Variants in BRAT1 observed in about 807,000 individuals in gnomAD.
BRAT1 encodes integrator complex assembly factor BRAT1.
BRAT1 carries 74 observed loss-of-function variants against 70.6 expected under a neutral mutation model. The ratio of observed to expected loss-of-function variants is 1.05; its 90% confidence interval spans 0.87 to 1.27. BRAT1 has a LOEUF of 1.27. BRAT1 is among the 50% of genes most tolerant of loss of function. The probability of loss-of-function intolerance (pLI) is 0.00; values close to 1 mark genes in which losing one functional copy is unlikely to be tolerated. For synonymous variants in BRAT1, 615 were observed against 517.1 expected (o/e 1.19, Z -2.57); for missense variants, 1,203 against 1,098.2 (o/e 1.10, Z -1.35).
chr7:2,538,944 T>C (rs895798760), intron 13 of BRAT1, 180 bp from the exon 14 acceptor site: 1 of 1,451,022 alleles, frequency 6.9e-7, no homozygotes, highest in Non-Finnish European at 9.0e-7. Context: ...AGTTTACCCA[T>C]CTGTCAAATG....
chr7:2,555,028 G>C (rs1229561747), intron 1 of BRAT1, among the ~76,000 whole-genome samples: 1 of 151,272 alleles, frequency 6.6e-6, no homozygotes, highest in Non-Finnish European at 1.5e-5. Flanking sequence ...AGGGTGAGGA[G>C]GGGAAGGGGC....
At chr7:2,552,681 A>T (rs1274332884) in intron 2 of BRAT1, among the ~76,000 whole-genome samples, 1 of 152,162 alleles carries the variant, frequency 6.6e-6, no homozygotes, top group Admixed American at 6.5e-5. Context: ...GCAATTATCA[A>T]CCATGAGAAT....
Position 2,539,576 on chromosome 7 carries a change from T to G in BRAT1, c.1565A>C (p.Glu522Ala). The G allele has an allele frequency of 6.3e-7, 1 of 1,580,938 alleles. No homozygotes were observed. The highest frequency in any genetic ancestry group is 8.6e-7 in the Non-Finnish European group (1 of 1,162,802). Residue 522 changes from glutamate (E) to alanine (A), a missense_variant, in exon 12 of 14, where the codon GAG becomes GCG. Transcript: ENST00000340611. The stretch of plus-strand genomic sequence containing the variant: ...GTGCCTGCTCAGCTGGGTCAGGAAC[T>G]CGAGGGCGGAGTCCCTCACCTCCCA... ...PCWEVRDSAL[E>A]FLTQLSRHWG... is the part of the protein sequence containing the mutation.
Position 2,538,773 on chromosome 7 carries a change from C to T in BRAT1, c.1771-9G>A. 1 of 1,598,118 alleles carries T rather than the reference C, an allele frequency of 6.3e-7. No homozygotes were observed. Among genetic ancestry groups the T allele is most frequent in the South Asian group, 1.1e-5 (1 of 91,062 alleles). On this transcript the variant is annotated splice_polypyrimidine_tract_variant and intron_variant, in intron 13 of 13. Coordinates refer to ENST00000340611, the MANE Select transcript of BRAT1 (RefSeq NM_152743.4). Reference sequence around the variant, plus strand: ...AGCTCCAGGAACAGGCTCTGGGGGACAGGGAGCAAGTGCGGATGGTTGGTG... The same window carrying T: ...AGCTCCAGGAACAGGCTCTGGGGGATAGGGAGCAAGTGCGGATGGTTGGTG...
At position 2,541,331 on chromosome 7, in the gene BRAT1, G is replaced by A. The variant is rs1779141621; in HGVS notation, c.1288C>T (p.Leu430Phe). The change falls in exon 9 of 14, where the codon CTC (leucine) becomes TTC (phenylalanine). Residue 430 changes from leucine to phenylalanine, a missense_variant. Leu to Phe is a conservative substitution (Grantham distance 22). Transcript: ENST00000340611. ...AGCVRVQRAA[L>F]DFLGTLSQGT... The stretch of plus-strand genomic sequence containing the variant: ...TGTGACAGCGTCCCCAGGAAGTCGA[G>A]GGCTGCTCGCTGGACCCGGACGCAG... 6.2e-7 allele frequency: 1 copy of A among 1,602,096 alleles called. No homozygotes were observed. Among genetic ancestry groups the A allele is most frequent in the African/African-American group, 1.3e-5 (1 of 74,838 alleles).
At chr7:2,540,088 A>G in intron 10 of BRAT1, 200 bp from the exon 11 acceptor site, 2 of 517,444 alleles carry the variant, frequency 3.9e-6, no homozygotes, top group South Asian at 2.8e-5. Flanking sequence ...CTGCAATCAC[A>G]GTTCACTGCA....
intron 2 of BRAT1, among the ~76,000 whole-genome samples, chr7:2,548,965 A>AAAAC (rs529420189): frequency 1.9e-3 from 290 of 152,244 alleles, no homozygotes; most frequent in African/African-American, 5.9e-3. Flanking sequence ...CTCTGTCTCA[A>AAAAC]AAACAAACAA....
At chr7:2,553,890 G>A (rs1014719305) in intron 2 of BRAT1, among the ~76,000 whole-genome samples, 14 of 150,946 alleles carry the variant, frequency 9.3e-5, no homozygotes, top group African/African-American at 3.4e-4. Context: ...TAAGCAATCC[G>A]CTCGCCTCAG....
At position 2,545,021 on chromosome 7, in the gene BRAT1, T is replaced by C; in HGVS notation, c.318A>G (p.Pro106=). Residue 106 remains proline, a synonymous_variant, in exon 4 of 14, where the codon CCA becomes CCG. Transcript: ENST00000340611. ...GELLPGLFGE[P]GPLGRATWAV... is the part of the protein sequence containing the mutation. ...CCCAGGTTGCTCGGCCGAGGGGTCC[T>C]GGCTCCCCAAAGAGCCCTGGTAGTA... The C allele has an allele frequency of 6.5e-7, 1 of 1,531,240 alleles. No homozygotes were observed. The highest frequency in any genetic ancestry group is 8.8e-7 in the Non-Finnish European group (1 of 1,138,434). 94.9% of individuals were successfully genotyped at this position (1,531,240 alleles called of 1,614,324 possible).
intron 4 of BRAT1, 87 bp downstream of exon 4, chr7:2,544,822 C>A: frequency 6.6e-7 from 1 of 1,508,402 alleles, no homozygotes; most frequent in Non-Finnish European, 8.9e-7. Context: ...TCGCACAGAC[C>A]AGACACTCAG....
At position 2,538,343 on chromosome 7, in the gene BRAT1, G is replaced by C; in HGVS notation, c.2192C>G (p.Ala731Gly). ...DLLLFLRDKI[A>G]SYSSLREARG... ...GGCCTCCCGCAGGCTGCTGTAGGAA[G>C]CAATCTTGTCCCTCAGGAAGAGAAG... Residue 731 changes from alanine (A) to glycine (G), a missense_variant, in exon 14 of 14, where the codon GCT (alanine) becomes GGT (glycine). By Grantham distance (60) the Ala-to-Gly change is moderately conservative. Transcript: ENST00000340611. The C allele has an allele frequency of 1.2e-6, 2 of 1,613,270 alleles. No homozygotes were observed. Among genetic ancestry groups the C allele is most frequent in the Admixed American group, 1.7e-5 (1 of 60,034 alleles).
chr7:2,546,030 G>A (rs564021132), intron 3 of BRAT1, among the ~76,000 whole-genome samples: 3 of 152,362 alleles, frequency 2.0e-5, no homozygotes, highest in Admixed American at 6.5e-5. Flanking sequence ...CGTGGTAGAC[G>A]GGCAAGGGCC....
At chr7:2,546,628 G>T (rs1004739521) in intron 3 of BRAT1, among the ~76,000 whole-genome samples, 1 of 151,780 alleles carries the variant, frequency 6.6e-6, no homozygotes, top group East Asian at 1.9e-4. Context: ...CCAGATACTC[G>T]GGAGGCTGAG....
Position 2,538,682 on chromosome 7 carries a change from T to G in BRAT1, c.1853A>C (p.Glu618Ala). ...PRRAVMQVFTEWLRDGHADAA... is the reference protein window; with the variant it reads ...PRRAVMQVFTAWLRDGHADAA... The stretch of plus-strand genomic sequence containing the variant: ...GTCGGCGTGGCCGTCCCGCAGCCAC[T>G]CAGTGAAGACTTGCATGACCGCCCG... Residue 618 changes from glutamate to alanine, a missense_variant, in exon 14 of 14, where the codon GAG (glutamate) becomes GCG (alanine). Glu to Ala is a moderately radical substitution (Grantham distance 107). Transcript: ENST00000340611. 2 of 1,598,352 alleles carry G rather than the reference T, an allele frequency of 1.3e-6. No individual in the cohort carries two copies. Among genetic ancestry groups the G allele is most frequent in the Non-Finnish European group, 1.7e-6 (2 of 1,179,786 alleles).
Position 2,547,397 on chromosome 7 carries a change from G to C in BRAT1, c.209C>G (p.Ser70Cys), listed in dbSNP as rs1779693922. ...GCGCAGTGAGAAGGAGAGGACCCCA[G>C]AACTCAGGTCCTGGACTTTCAGCAC... ...SHVLKVQDLS[S>C]GVLSFSLRLA... Residue 70 changes from serine (S) to cysteine (C), a missense_variant, in exon 3 of 14, where the codon TCT becomes TGT. Transcript: ENST00000340611. 1 of 1,614,132 alleles carries C rather than the reference G, an allele frequency of 6.2e-7. No homozygotes were observed. The highest frequency in any genetic ancestry group is 8.5e-7 in the Non-Finnish European group (1 of 1,180,028).
chr7:2,550,757 C>T (rs565861204), intron 2 of BRAT1, among the ~76,000 whole-genome samples: 40 of 152,190 alleles, frequency 2.6e-4, no homozygotes, highest in East Asian at 1.5e-3. Context: ...AACCCAGACT[C>T]GGTTTCTTTA....
chr7:2,541,244 G>C (rs1358807878), intron 9 of BRAT1, 54 bp downstream of exon 9: 3 of 1,519,150 alleles, frequency 2.0e-6, no homozygotes, highest in East Asian at 2.3e-5. Flanking sequence ...GAGCAGAAAG[G>C]AGAGTGGGGG....
intron 2 of BRAT1, among the ~76,000 whole-genome samples, chr7:2,552,729 G>A (rs1213021968): frequency 6.6e-6 from 1 of 151,726 alleles, no homozygotes; most frequent in Non-Finnish European, 1.5e-5. Flanking sequence ...TAAAAGGAAA[G>A]CCATTATGAC....
intron 2 of BRAT1, 29 bp downstream of exon 2, chr7:2,554,276 G>A (rs778502850): frequency 8.8e-5 from 142 of 1,610,404 alleles, no homozygotes; most frequent in Non-Finnish European, 1.1e-4. Flanking sequence ...TCTCTGGATA[G>A]GCAGTAAACA....
Sources: gnomAD v4.1 joint callset for allele counts (sites outside exome capture counted in the v4.1 genomes callset) on GRCh38, gnomAD v4.1.1 for gene constraint, MANE v1.5 for transcripts, NCBI Gene and HGNC (gene_info 2026-07-23, HGNC 2026-07-21) for gene names.